The following CCDC102B variants were observed in gnomAD, a reference collection of about 807,000 sequenced individuals.
CCDC102B encodes coiled-coil domain-containing protein 102B.
CCDC102B carries 75 observed loss-of-function variants against 57.4 expected under a neutral mutation model. The ratio of observed to expected loss-of-function variants is 1.31; its 90% CI spans 1.08 to 1.58. The LOEUF (loss-of-function observed/expected upper bound fraction) is 1.58, where lower values mean the gene tolerates loss of function less well. Ranked by LOEUF, CCDC102B falls within the 40% of genes most tolerant of loss-of-function variation. CCDC102B has a pLI of 0.00. For missense variants in CCDC102B, 636 were observed against 582.6 expected (o/e 1.09, Z -0.94); for synonymous variants, 206 against 201.9 (o/e 1.02, Z -0.17).
At chr18:69,005,405 T>A (rs2051314414) in intron 6 of CCDC102B, among the ~76,000 whole-genome samples, 1 of 152,138 alleles carries the variant, frequency 6.6e-6, no homozygotes, top group Non-Finnish European at 1.5e-5. Flanking sequence ...TTTGATATTA[T>A]AGATGGAGAA....
intron 7 of CCDC102B, among the ~76,000 whole-genome samples, chr18:69,036,782 A>G (rs565822144): frequency 2.2e-4 from 34 of 152,206 alleles, no homozygotes; most frequent in Admixed American, 4.6e-4. Context: ...TACATTGGGT[A>G]CAAGTGGCAG....
chr18:69,027,510 T>A (rs2052024688), intron 7 of CCDC102B, among the ~76,000 whole-genome samples: 3 of 152,216 alleles, frequency 2.0e-5, no homozygotes, highest in Admixed American at 2.0e-4. Flanking sequence ...AGATTCATTT[T>A]GATGGATTTA....
intron 4 of CCDC102B, among the ~76,000 whole-genome samples, chr18:68,868,863 G>C (rs752265749): frequency 2.0e-5 from 3 of 152,158 alleles, no homozygotes; most frequent in Non-Finnish European, 4.4e-5. Context: ...ACTGTTATGA[G>C]CCTGTTATAG....
At chr18:68,832,546 C>T (rs1216261243) in intron 1 of CCDC102B, among the ~76,000 whole-genome samples, 6 of 152,010 alleles carry the variant, frequency 3.9e-5, no homozygotes, top group African/African-American at 1.4e-4. Flanking sequence ...CAGCCGGAAA[C>T]CTTGGTTTTT....
At chr18:68,785,336 T>C (rs1158447948) in intron 2 of CCDC102B, among the ~76,000 whole-genome samples, 1 of 152,196 alleles carries the variant, frequency 6.6e-6, no homozygotes, top group African/African-American at 2.4e-5. Flanking sequence ...CCTTTGGGTA[T>C]ATACCCAGTA....
At chr18:68,932,885 G>C (rs534970616) in intron 6 of CCDC102B, among the ~76,000 whole-genome samples, 1 of 151,892 alleles carries the variant, frequency 6.6e-6, no homozygotes, top group Admixed American at 6.6e-5. Flanking sequence ...TCTGCTTTCT[G>C]CTCTTGAATA....
upstream of CCDC102B, among the ~76,000 whole-genome samples, chr18:68,794,001 G>T (rs1292885883): frequency 6.6e-6 from 1 of 152,036 alleles, no homozygotes; most frequent in Admixed American, 6.6e-5. Flanking sequence ...AATCAGTTTT[G>T]ATTAATATTT....
chr18:68,958,261 A>G (rs370164991), intron 6 of CCDC102B, among the ~76,000 whole-genome samples: 1 of 152,196 alleles, frequency 6.6e-6, no homozygotes, highest in African/African-American at 2.4e-5. Context: ...AAACCATATC[A>G]TGTCATATGG....
chr18:68,720,392 C>T (rs192674670), intron 2 of CCDC102B, among the ~76,000 whole-genome samples: 16 of 152,246 alleles, frequency 1.1e-4, no homozygotes, highest in Admixed American at 7.2e-4. Context: ...AGTGAAATCT[C>T]CATTGGGTTC....
At chr18:68,901,383 A>T (rs1465522621) in intron 6 of CCDC102B, among the ~76,000 whole-genome samples, 2 of 152,186 alleles carry the variant, frequency 1.3e-5, no homozygotes, top group African/African-American at 2.4e-5. Flanking sequence ...CATGGGTGGC[A>T]CACAAACAGG....
At chr18:68,980,836 C>T (rs545236124) in intron 6 of CCDC102B, among the ~76,000 whole-genome samples, 2 of 152,014 alleles carry the variant, frequency 1.3e-5, no homozygotes, top group South Asian at 2.1e-4. Flanking sequence ...TATTTGGGAA[C>T]GTGTAGGACA....
chr18:69,017,123 T>A (rs950067382), intron 7 of CCDC102B, among the ~76,000 whole-genome samples: 12 of 152,170 alleles, frequency 7.9e-5, no homozygotes, highest in Non-Finnish European at 1.3e-4. Context: ...TTTACTTATT[T>A]GTTTATTTTT....
Position 69,002,183 on chromosome 18 carries a change from C to T in CCDC102B, c.1264-8751C>T, listed in dbSNP as rs200421714. On this transcript the variant is annotated intron_variant, in intron 6 of 7. Transcript: ENST00000360242. ...AACAAGCTGGGTTGTGCTATAGCAA[C>T]AATAGACTTGAAAATCAGGATGGCT... is the stretch of plus-strand genomic sequence containing the variant. Among the ~76,000 whole-genome samples, 6 of 152,188 alleles carry T rather than the reference C, an allele frequency of 3.9e-5. No individual in the cohort carries two copies. The East Asian group carries it at 7.7e-4, about 20-fold the overall frequency.
chr18:69,047,631 T>TA (rs1028025077), intron 7 of CCDC102B, among the ~76,000 whole-genome samples: 8 of 152,138 alleles, frequency 5.3e-5, no homozygotes, highest in African/African-American at 1.9e-4. Context: ...ATTCTATATC[T>TA]AAAAAAACCT....
At chr18:68,948,633 A>G (rs1311861919) in intron 6 of CCDC102B, among the ~76,000 whole-genome samples, 1 of 152,016 alleles carries the variant, frequency 6.6e-6, no homozygotes, top group Non-Finnish European at 1.5e-5. Flanking sequence ...GTACTCTGCT[A>G]ACTTCCCCAT....
At chr18:68,825,112 A>G (rs754629899) in intron 1 of CCDC102B, among the ~76,000 whole-genome samples, 5 of 152,196 alleles carry the variant, frequency 3.3e-5, no homozygotes, top group African/African-American at 4.8e-5. Flanking sequence ...TATTTGATTT[A>G]CGGAAGTTAC....
At chr18:68,747,593 A>G (rs1229988440) in intron 2 of CCDC102B, among the ~76,000 whole-genome samples, 1 of 152,056 alleles carries the variant, frequency 6.6e-6, no homozygotes, top group Non-Finnish European at 1.5e-5. Context: ...TATTATAGAC[A>G]CTTTATGTAC....
chr18:68,933,327 A>C (rs2041742328), intron 6 of CCDC102B, among the ~76,000 whole-genome samples: 1 of 151,888 alleles, frequency 6.6e-6, no homozygotes, highest in Admixed American at 6.6e-5. Context: ...TTTTTTCACA[A>C]CTTGAAATTG....
chr18:68,927,799 A>G (rs2041525834), intron 6 of CCDC102B, among the ~76,000 whole-genome samples: 1 of 151,886 alleles, frequency 6.6e-6, no homozygotes, highest in Admixed American at 6.6e-5. Context: ...TAGGGAGAGA[A>G]AGGAGGGAGA....
Sources: gnomAD v4.1 joint callset for allele counts (sites outside exome capture counted in the v4.1 genomes callset) on GRCh38, gnomAD v4.1.1 for gene constraint, MANE v1.5 for transcripts, NCBI Gene and HGNC (gene_info 2026-07-23, HGNC 2026-07-21) for gene names.